Variants in FIGN observed in about 807,000 individuals in gnomAD.
The protein encoded by FIGN is fidgetin.
Under a neutral mutation model 51.3 loss-of-function variants are expected in FIGN, and 11 were observed. The ratio of observed to expected loss-of-function variants is 0.21; its 90% CI spans 0.13 to 0.35. The LOEUF is 0.35. FIGN is among the 10% of genes least tolerant of loss of function. FIGN has a pLI of 1.00. For synonymous variants in FIGN, 407 were observed against 363.2 expected (o/e 1.12, Z -1.37); for missense variants, 857 against 943.6 (o/e 0.91, Z 1.20).
chr2:163,612,152 C>T (rs1490783385), intron 2 of FIGN, among the ~76,000 whole-genome samples: 1 of 152,164 alleles, frequency 6.6e-6, no homozygotes, highest in African/African-American at 2.4e-5. Flanking sequence ...ACACACATTC[C>T]TGTCAAATTA....
At chr2:163,624,230 A>G (rs948446302) in intron 2 of FIGN, among the ~76,000 whole-genome samples, 1 of 152,102 alleles carries the variant, frequency 6.6e-6, no homozygotes, top group Non-Finnish European at 1.5e-5. Context: ...ATGTATTTTA[A>G]AAATTAGTCT....
intron 2 of FIGN, among the ~76,000 whole-genome samples, chr2:163,726,535 A>C (rs1684840437): frequency 6.6e-6 from 1 of 152,044 alleles, no homozygotes; most frequent in Non-Finnish European, 1.5e-5. Flanking sequence ...TAAAGTCATG[A>C]ATATGTTCTA....
intron 2 of FIGN, among the ~76,000 whole-genome samples, chr2:163,621,147 G>C (rs1441475131): frequency 6.6e-6 from 1 of 152,026 alleles, no homozygotes; most frequent in Admixed American, 6.6e-5. Context: ...CATATAATTA[G>C]ACAAAAGAGT....
intron 2 of FIGN, among the ~76,000 whole-genome samples, chr2:163,642,170 T>C (rs534601331): frequency 6.6e-6 from 1 of 152,194 alleles, no homozygotes; most frequent in East Asian, 1.9e-4. Context: ...AAAATACCCA[T>C]TGAGAGTTTA....
rs1176662656 is a variant in FIGN at position 163,611,068 on chromosome 2, TGAG to T, written c.761_763del (p.Pro254del). ...GCTGTACCCAGACCCCACAGCAGTCTGAGGAGGATAGCTAGCAGACGGATAGCT... is the reference window on the plus strand; with the variant it reads ...GCTGTACCCAGACCCCACAGCAGTCTGAGGATAGCTAGCAGACGGATAGCT... On this transcript the variant is annotated inframe_deletion, in exon 3 of 3. Coordinates refer to ENST00000333129, the MANE Select transcript of FIGN (RefSeq NM_018086.4). 3.1e-6 allele frequency: 5 copies of T among 1,613,844 alleles called. No homozygotes were observed. In the South Asian group the frequency reaches 5.5e-5, roughly 18 times the overall value.
intron 2 of FIGN, among the ~76,000 whole-genome samples, chr2:163,722,161 A>T (rs1042275388): frequency 6.6e-6 from 1 of 152,206 alleles, no homozygotes; most frequent in Non-Finnish European, 1.5e-5. Context: ...AGTATTCAGT[A>T]CAAAATAAAT....
Position 163,729,276 on chromosome 2 carries a change from G to A in FIGN, c.25+5627C>T, listed in dbSNP as rs542607663. On this transcript the variant is annotated intron_variant, in intron 2 of 2. Transcript: ENST00000333129. ...TGAAATATATATATAGCTAAAGGGA[G>A]TTAAATGCAGTTTCTGTTCTCATGC... is the stretch of plus-strand genomic sequence containing the variant. 2.0e-5 allele frequency among the ~76,000 whole-genome samples: 3 copies of A among 152,052 alleles called. No individual in the cohort carries two copies. In the South Asian group the frequency reaches 6.2e-4, roughly 32 times the overall value.
At chr2:163,699,657 T>C (rs1333855235) in intron 2 of FIGN, among the ~76,000 whole-genome samples, 1 of 152,156 alleles carries the variant, frequency 6.6e-6, no homozygotes, top group Non-Finnish European at 1.5e-5. Flanking sequence ...AAAAAATTCC[T>C]ATTCAGGGAG....
chr2:163,719,630 A>G (rs1215299037), intron 2 of FIGN, among the ~76,000 whole-genome samples: 2 of 152,200 alleles, frequency 1.3e-5, no homozygotes, highest in Non-Finnish European at 2.9e-5. Flanking sequence ...GTTACCAATC[A>G]TTATTTTCCA....
intron 2 of FIGN, among the ~76,000 whole-genome samples, chr2:163,698,617 T>G (rs1477406256): frequency 2.0e-5 from 3 of 152,140 alleles, no homozygotes; most frequent in Non-Finnish European, 2.9e-5. Flanking sequence ...AATCTCTGAA[T>G]ACATCTAATT....
At chr2:163,707,325 C>G (rs901268340) in intron 2 of FIGN, among the ~76,000 whole-genome samples, 25 of 149,376 alleles carry the variant, frequency 1.7e-4, no homozygotes, top group Non-Finnish European at 3.0e-4. Flanking sequence ...CACTGCACTC[C>G]ACCCTAGCGA....
chr2:163,712,826 T>C (rs1684608557), intron 2 of FIGN, among the ~76,000 whole-genome samples: 1 of 152,182 alleles, frequency 6.6e-6, no homozygotes, highest in South Asian at 2.1e-4. Context: ...AATGGACTAT[T>C]ATGCAGCAGA....
At position 163,690,043 on chromosome 2, in the gene FIGN, T is replaced by TA. The variant is rs1305327585; in HGVS notation, c.25+44859dup. The stretch of plus-strand genomic sequence containing the variant: ...AAAATATGTGCACTTTTCTTCCAGT[T>TA]ATGTCAGTCCCCCTCAATTGTTAAG... On this transcript the variant is annotated intron_variant, in intron 2 of 2. Coordinates refer to ENST00000333129, the MANE Select transcript of FIGN (RefSeq NM_018086.4). Among the ~76,000 whole-genome samples the TA allele has an allele frequency of 5.9e-5, 9 of 152,290 alleles. No individual in the cohort carries two copies. The East Asian group carries it at 1.7e-3, about 29-fold the overall frequency.
At chr2:163,704,743 G>C (rs1381959479) in intron 2 of FIGN, among the ~76,000 whole-genome samples, 1 of 149,416 alleles carries the variant, frequency 6.7e-6, no homozygotes, top group East Asian at 2.0e-4. Context: ...TTAGTAAGAA[G>C]TTCCTAAGAC....
chr2:163,613,876 TAA>T (rs953861158), intron 2 of FIGN, among the ~76,000 whole-genome samples: 17 of 152,192 alleles, frequency 1.1e-4, no homozygotes, highest in African/African-American at 4.1e-4. Context: ...ACAACTCAGT[TAA>T]ATTAAGTCTG....
At chr2:163,723,996 C>T (rs1684799867) in intron 2 of FIGN, among the ~76,000 whole-genome samples, 1 of 152,152 alleles carries the variant, frequency 6.6e-6, no homozygotes, top group African/African-American at 2.4e-5. Context: ...TTTTAGACGA[C>T]TAGCAAGGTC....
chr2:163,651,111 T>C (rs1254917731), intron 2 of FIGN, among the ~76,000 whole-genome samples: 1 of 152,218 alleles, frequency 6.6e-6, no homozygotes, highest in East Asian at 1.9e-4. Flanking sequence ...TGTCCTTTCA[T>C]TGCTTTTATA....
chr2:163,656,651 G>T (rs949379359), intron 2 of FIGN, among the ~76,000 whole-genome samples: 1 of 152,096 alleles, frequency 6.6e-6, no homozygotes, highest in Admixed American at 6.6e-5. Context: ...GGAGTCAGAA[G>T]CTAAGCTACT....
At chr2:163,704,431 TG>T (rs1684460982) in intron 2 of FIGN, among the ~76,000 whole-genome samples, 3 of 152,218 alleles carry the variant, frequency 2.0e-5, no homozygotes, top group African/African-American at 7.2e-5. Context: ...GTGGGCTGTG[TG>T]TGTGTGACAT....
Sources: allele counts gnomAD v4.1 joint callset (sites outside exome capture counted in the v4.1 genomes callset), GRCh38; gene constraint gnomAD v4.1.1; transcripts MANE v1.5; gene names NCBI Gene and HGNC (gene_info 2026-07-23, HGNC 2026-07-21).